Variants in ARL15 observed in about 807,000 individuals in gnomAD.
The protein encoded by ARL15 is ADP-ribosylation factor-like protein 15.
ARL15 carries 19 observed loss-of-function variants against 25.2 expected under a neutral mutation model. That is an observed-to-expected ratio of 0.75 (90% CI 0.53 to 1.10). The LOEUF is 1.10. Among genes scored for constraint, ARL15 ranks in the 50% least tolerant of loss-of-function variants. ARL15 has a pLI of 0.00. For missense variants in ARL15, 220 were observed against 246.0 expected, an observed-to-expected ratio of 0.89 and a Z score of 0.71; for synonymous variants, 94 against 86.8, an observed-to-expected ratio of 1.08 and a Z score of -0.46.
intron 1 of ARL15, among the ~76,000 whole-genome samples, chr5:54,262,257 T>C (rs925059013): frequency 2.0e-5 from 3 of 152,212 alleles, no homozygotes; most frequent in African/African-American, 7.2e-5. Context: ...TGATGCTTTA[T>C]AGCCAAGACT....
intron 4 of ARL15, among the ~76,000 whole-genome samples, chr5:54,086,071 C>T (rs539831916): frequency 2.2e-4 from 34 of 152,048 alleles, no homozygotes; most frequent in African/African-American, 2.9e-4. Flanking sequence ...TGCGCCACCA[C>T]GCCTGGCTAA....
At chr5:54,259,353 G>A (rs765479144) in intron 1 of ARL15, among the ~76,000 whole-genome samples, 16 of 152,114 alleles carry the variant, frequency 1.1e-4, no homozygotes, top group Non-Finnish European at 1.8e-4. Context: ...TCACACCAGA[G>A]AAATAGATAT....
At chr5:54,099,939 A>G (rs1752387053) in intron 4 of ARL15, among the ~76,000 whole-genome samples, 1 of 152,148 alleles carries the variant, frequency 6.6e-6, no homozygotes, top group Non-Finnish European at 1.5e-5. Context: ...ACTGTTTGTC[A>G]TCTCCAAACC....
intron 1 of ARL15, among the ~76,000 whole-genome samples, chr5:54,241,982 G>A (rs1314264456): frequency 6.6e-6 from 1 of 152,138 alleles, no homozygotes; most frequent in African/African-American, 2.4e-5. Context: ...TATAGCCTGA[G>A]ACACATACAA....
chr5:53,892,110 G>A (rs927178733), intron 4 of ARL15, among the ~76,000 whole-genome samples: 3 of 152,156 alleles, frequency 2.0e-5, no homozygotes, highest in Non-Finnish European at 4.4e-5. Flanking sequence ...CCACTGGAAG[G>A]CAGAAAAACA....
chr5:54,282,195 T>G, intron 1 of ARL15: 2 of 955,402 alleles, frequency 2.1e-6, no homozygotes, highest in Non-Finnish European at 1.2e-6. Context: ...TTGCCATCAC[T>G]CCACATGATT....
intron 4 of ARL15, among the ~76,000 whole-genome samples, chr5:54,056,486 TG>T (rs1750873781): frequency 6.6e-6 from 1 of 151,638 alleles, no homozygotes. Flanking sequence ...AAAAATCAGC[TG>T]GGCATGCTGG....
intron 4 of ARL15, among the ~76,000 whole-genome samples, chr5:54,010,043 A>G (rs1749182886): frequency 6.6e-6 from 1 of 152,176 alleles, no homozygotes; most frequent in Non-Finnish European, 1.5e-5. Context: ...GGCCACAAAG[A>G]AAGGGAGAAT....
chr5:54,212,883 G>A (rs1019032770), intron 1 of ARL15, among the ~76,000 whole-genome samples: 1 of 152,162 alleles, frequency 6.6e-6, no homozygotes, highest in African/African-American at 2.4e-5. Flanking sequence ...TGCCAGCCCA[G>A]TTTTATGACC....
chr5:54,163,021 A>C (rs932461500), intron 2 of ARL15, among the ~76,000 whole-genome samples: 1 of 152,168 alleles, frequency 6.6e-6, no homozygotes, highest in Non-Finnish European at 1.5e-5. Context: ...ATTAACTCTG[A>C]CAACAGCTGT....
At chr5:54,177,764 G>A (rs1754926950) in intron 1 of ARL15, among the ~76,000 whole-genome samples, 1 of 152,110 alleles carries the variant, frequency 6.6e-6, no homozygotes, top group Non-Finnish European at 1.5e-5. Context: ...CATGGTCTGA[G>A]CACTTAACGT....
intron 3 of ARL15, among the ~76,000 whole-genome samples, chr5:54,119,493 A>C (rs1753008637): frequency 6.6e-6 from 1 of 152,164 alleles, no homozygotes; most frequent in South Asian, 2.1e-4. Flanking sequence ...AAACTAGCAC[A>C]AACTATCACA....
intron 1 of ARL15, among the ~76,000 whole-genome samples, chr5:54,250,665 G>A (rs1371901914): frequency 5.3e-5 from 8 of 152,040 alleles, no homozygotes; most frequent in Non-Finnish European, 1.2e-4. Context: ...GGGTAGTAGG[G>A]ACGGGACCAA....
chr5:53,967,870 G>A (rs934429583), intron 4 of ARL15, among the ~76,000 whole-genome samples: 1 of 152,102 alleles, frequency 6.6e-6, no homozygotes, highest in Non-Finnish European at 1.5e-5. Flanking sequence ...TGAATGTGGG[G>A]CCAAAGAAGC....
chr5:54,310,449 GA>G lies in ARL15; in HGVS notation c.30del (p.Leu11CysfsTer28). MSDLRITEA[F>X]LYMDYLCFRA... ...GCACCTACCAGATAATCCATGTACA[GA>G]AACGCCTCAGTTATTCGGAGATCAG... On this transcript the variant is annotated frameshift_variant, in exon 1 of 5. Coordinates refer to ENST00000504924, the MANE Select transcript of ARL15 (RefSeq NM_019087.3). LOFTEE classifies it high-confidence loss of function. 1 of 1,610,054 alleles carries G rather than the reference GA, an allele frequency of 6.2e-7. No homozygotes were observed. Among genetic ancestry groups the G allele is most frequent in the Non-Finnish European group, 8.5e-7 (1 of 1,178,410 alleles).
At chr5:54,171,951 A>G (rs1014306188) in intron 1 of ARL15, 23 bp from the exon 2 acceptor site, 1 of 1,604,110 alleles carries the variant, frequency 6.2e-7, no homozygotes, top group African/African-American at 1.3e-5. Flanking sequence ...GGGGAAAAAA[A>G]TGTTCCTTTA....
At chr5:54,179,062 A>G (rs1181153134) in intron 1 of ARL15, among the ~76,000 whole-genome samples, 1 of 151,996 alleles carries the variant, frequency 6.6e-6, no homozygotes, top group Non-Finnish European at 1.5e-5. Context: ...AGGCTCAAAG[A>G]AGTTAAGTAA....
rs1215413326 is a variant in ARL15, at chr5:53,884,390, C to T, written c.*2171G>A. On this transcript the variant is annotated 3_prime_UTR_variant, in exon 5 of 5. Coordinates refer to ENST00000504924, the MANE Select transcript of ARL15 (RefSeq NM_019087.3). The stretch of plus-strand genomic sequence containing the variant: ...ACCCCACCACCCACCCACCCATCCC[C>T]ACCCGTTCAGGCCCCACCCCGCCCC... 6.9e-6 allele frequency: 1 copy of T among 145,650 alleles called. No homozygotes were observed. The highest frequency in any genetic ancestry group is 1.5e-5 in the Non-Finnish European group (1 of 66,108). 9.0% of individuals were successfully genotyped at this position (145,650 alleles called of 1,614,324 possible). A position where few individuals can be genotyped will look rare whatever the true frequency, so the allele number is the denominator to read the frequency against.
intron 1 of ARL15, among the ~76,000 whole-genome samples, chr5:54,267,205 C>A (rs1349553485): frequency 1.3e-5 from 2 of 152,198 alleles, no homozygotes; most frequent in East Asian, 3.8e-4. Flanking sequence ...GATTCTCCTG[C>A]CTCAGCCTCC....
Sources: gnomAD v4.1 joint callset for allele counts (sites outside exome capture counted in the v4.1 genomes callset) on GRCh38, gnomAD v4.1.1 for gene constraint, MANE v1.5 for transcripts, NCBI Gene and HGNC (gene_info 2026-07-23, HGNC 2026-07-21) for gene names.